RTN4RL1: variants seen among roughly 807,000 people sequenced by gnomAD.
RTN4RL1 encodes reticulon 4 receptor like 1, also known as reticulon-4 receptor-like 1.
RTN4RL1 carries 7 observed loss-of-function variants against 25.6 expected under a neutral mutation model. The ratio of observed to expected loss-of-function variants is 0.27; its 90% CI spans 0.16 to 0.51. RTN4RL1 has a LOEUF of 0.51. Among genes scored for constraint, RTN4RL1 ranks in the 20% least tolerant of loss-of-function variants. The probability of loss-of-function intolerance (pLI) is 0.97; values close to 1 mark genes in which losing one functional copy is unlikely to be tolerated. For synonymous variants in RTN4RL1, 297 were observed against 288.2 expected, an observed-to-expected ratio of 1.03 and a Z score of -0.31; for missense variants, 500 against 615.6, an observed-to-expected ratio of 0.81 and a Z score of 1.99.
intron 1 of RTN4RL1, among the ~76,000 whole-genome samples, chr17:1,938,034 TG>T (rs35676987): frequency 6.6e-6 from 1 of 152,138 alleles, no homozygotes; most frequent in Non-Finnish European, 1.5e-5. Flanking sequence ...GAGGTGAGTC[TG>T]GGGTGAAGGC....
At chr17:1,938,587 C>G (rs112014292) in intron 1 of RTN4RL1, among the ~76,000 whole-genome samples, 2 of 151,850 alleles carry the variant, frequency 1.3e-5, no homozygotes, top group Admixed American at 6.6e-5. Context: ...TGTGAGCCAC[C>G]GCGCCCGGCC....
chr17:1,946,519 G>C (rs1040894639), intron 1 of RTN4RL1, among the ~76,000 whole-genome samples: 1 of 151,498 alleles, frequency 6.6e-6, no homozygotes, highest in Non-Finnish European at 1.5e-5. Context: ...GGATCTATGT[G>C]TGATTGTGTG....
chr17:1,951,276 T>A (rs11653302), intron 1 of RTN4RL1, among the ~76,000 whole-genome samples: 63,183 of 150,028 alleles, frequency 0.42, 13,921 homozygotes, highest in Middle Eastern at 0.53. Flanking sequence ...AAAAAAAAAA[T>A]ATTAAATTTT....
At chr17:1,954,720 C>T (rs1163801186) in intron 1 of RTN4RL1, among the ~76,000 whole-genome samples, 3 of 152,176 alleles carry the variant, frequency 2.0e-5, no homozygotes, top group Non-Finnish European at 4.4e-5. Flanking sequence ...ACCCCAGAGG[C>T]GCAGCACTGC....
chr17:1,994,660 G>A lies in RTN4RL1; in HGVS notation c.13+30193C>T, dbSNP rs563469616. Among the ~76,000 whole-genome samples the A allele has an allele frequency of 2.0e-5, 3 of 152,244 alleles. No individual in the cohort carries two copies. Among genetic ancestry groups the A allele is most frequent in the Non-Finnish European group, 2.9e-5 (2 of 68,030 alleles). Reference sequence around the variant, plus strand: ...AGGCCTGGATTCCAATCCCAGCTCCGCCACTGACAGGCCCGGTGACCTCGG... The same window carrying A: ...AGGCCTGGATTCCAATCCCAGCTCCACCACTGACAGGCCCGGTGACCTCGG... On this transcript the variant is annotated intron_variant, in intron 1 of 1. Transcript: ENST00000331238. This position sits in a 1 kb window ranked among gnomAD's most constrained non-coding sequence, Gnocchi z 4.3.
chr17:1,953,064 C>T lies in RTN4RL1; in HGVS notation c.14-15256G>A, dbSNP rs148365330. 7.9e-3 allele frequency among the ~76,000 whole-genome samples: 1,189 copies of T among 150,544 alleles called. 5 individuals are homozygous for T. The highest frequency in any genetic ancestry group is 0.012 in the Non-Finnish European group (782 of 67,768). ...TGTATTCTGGGTGACAGAGTGAGAT[C>T]TAGTTTCAAAAAATAAAATAAAATA... On this transcript the variant is annotated intron_variant, in intron 1 of 1. Transcript: ENST00000331238.
intron 1 of RTN4RL1, among the ~76,000 whole-genome samples, chr17:1,950,167 G>C (rs1238983306): frequency 6.6e-6 from 1 of 152,198 alleles, no homozygotes; most frequent in Non-Finnish European, 1.5e-5. Flanking sequence ...TTGGGGGGGA[G>C]CAAGGAGGGA....
intron 1 of RTN4RL1, among the ~76,000 whole-genome samples, chr17:1,958,494 C>T (rs558393278): frequency 2.6e-5 from 4 of 152,300 alleles, no homozygotes; most frequent in Admixed American, 6.5e-5. Context: ...ATGGACAAGG[C>T]GGTTGGGGAA....
At chr17:1,941,322 C>G (rs538263981) in intron 1 of RTN4RL1, among the ~76,000 whole-genome samples, 25 of 152,210 alleles carry the variant, frequency 1.6e-4, no homozygotes, top group Non-Finnish European at 3.5e-4. Flanking sequence ...GCCCCCACAT[C>G]CAGGAGTGGG....
intron 1 of RTN4RL1, among the ~76,000 whole-genome samples, chr17:1,984,911 G>C (rs567131589): frequency 6.6e-6 from 1 of 151,918 alleles, no homozygotes; most frequent in Non-Finnish European, 1.5e-5. Context: ...AGGTTGCAGT[G>C]AGCCGAGATC....
At chr17:2,018,983 C>G (rs1399725789) in intron 1 of RTN4RL1, 1 of 152,198 alleles carries the variant, frequency 6.6e-6, no homozygotes, top group Non-Finnish European at 1.5e-5. Flanking sequence ...CTGTGAAGCC[C>G]GAGGTGGCTG....
chr17:1,966,419 C>T (rs1052772747), intron 1 of RTN4RL1, among the ~76,000 whole-genome samples: 3 of 152,130 alleles, frequency 2.0e-5, no homozygotes, highest in East Asian at 3.9e-4. Context: ...AGATGGAAAC[C>T]GATGGAGGGA....
At position 2,007,337 on chromosome 17, in the gene RTN4RL1, A is replaced by ACACACACACACAC. The variant is rs1352398594; in HGVS notation, c.13+17515_13+17516insGTGTGTGTGTGTG. 9.8e-3 allele frequency among the ~76,000 whole-genome samples: 1,375 copies of ACACACACACACAC among 140,388 alleles called. 19 individuals carry two copies. The highest frequency in any genetic ancestry group is 0.027 in the African/African-American group (988 of 36,930). 92.1% of individuals were successfully genotyped at this position (140,388 alleles called of 152,430 possible). ...AGACCTAGGCCATGTTCACAGCCCC[A>ACACACACACACAC]ACACACACACACACACACACACACA... On this transcript the variant is annotated intron_variant, in intron 1 of 1. Coordinates refer to ENST00000331238, the MANE Select transcript of RTN4RL1 (RefSeq NM_178568.4).
At chr17:1,940,858 T>A (rs1445327537) in intron 1 of RTN4RL1, among the ~76,000 whole-genome samples, 1 of 152,070 alleles carries the variant, frequency 6.6e-6, no homozygotes, top group Admixed American at 6.5e-5. Context: ...AGCTCAAGGG[T>A]GTTCATGGTG....
At chr17:2,016,465 TGAG>T (rs1555522266) in intron 1 of RTN4RL1, among the ~76,000 whole-genome samples, 2 of 152,042 alleles carry the variant, frequency 1.3e-5, no homozygotes, top group Non-Finnish European at 2.9e-5. Flanking sequence ...GGCCCAGAGA[TGAG>T]GAGACATGTC....
chr17:1,997,488 T>C (rs754696389), intron 1 of RTN4RL1, among the ~76,000 whole-genome samples: 12 of 152,360 alleles, frequency 7.9e-5, no homozygotes, highest in Middle Eastern at 3.4e-3. Flanking sequence ...TGGAATGCGA[T>C]CCCTCTGCAG....
intron 1 of RTN4RL1, among the ~76,000 whole-genome samples, chr17:1,996,983 C>A (rs976676691): frequency 3.9e-5 from 6 of 152,202 alleles, no homozygotes; most frequent in African/African-American, 1.4e-4. Flanking sequence ...GGCAGGGGAC[C>A]AGCCACCCTT....
chr17:1,948,109 G>A (rs532735789), intron 1 of RTN4RL1, among the ~76,000 whole-genome samples: 5 of 152,326 alleles, frequency 3.3e-5, no homozygotes, highest in African/African-American at 1.2e-4. Flanking sequence ...AGAAAGACCT[G>A]ACATATCAGA....
At chr17:1,975,249 C>A (rs1030978418) in intron 1 of RTN4RL1, among the ~76,000 whole-genome samples, 1 of 152,156 alleles carries the variant, frequency 6.6e-6, no homozygotes, top group African/African-American at 2.4e-5. Flanking sequence ...TCCCAAACAC[C>A]CACCCAGAAA....
Sources: allele counts gnomAD v4.1 joint callset (sites outside exome capture counted in the v4.1 genomes callset), GRCh38; gene constraint gnomAD v4.1.1; non-coding constraint Gnocchi (gnomAD v3.1); transcripts MANE v1.5; gene names NCBI Gene and HGNC (gene_info 2026-07-23, HGNC 2026-07-21).